C19orf38: variants seen among roughly 807,000 people sequenced by gnomAD.
C19orf38 encodes protein HIDE1.
A neutral mutation model predicts 26.6 loss-of-function variants in C19orf38; 14 were observed. The ratio of observed to expected loss-of-function variants is 0.53; its 90% CI spans 0.35 to 0.82. The LOEUF is 0.82. Ranked by LOEUF, C19orf38 falls within the 40% of genes least tolerant of loss-of-function variation. C19orf38 has a pLI of 0.01. For synonymous variants in C19orf38, 132 were observed against 128.5 expected, an observed-to-expected ratio of 1.03 and a Z score of -0.18; for missense variants, 261 against 299.5, an observed-to-expected ratio of 0.87 and a Z score of 0.95.
At chr19:10,867,085 C>T (rs190044264) in intron 6 of C19orf38, among the ~76,000 whole-genome samples, 4 of 151,856 alleles carry the variant, frequency 2.6e-5, no homozygotes, top group East Asian at 2.0e-4. Context: ...CCACCGTGCC[C>T]GGCCCAGAAA....
chr19:10,865,929 C>A (rs914894203), intron 6 of C19orf38, among the ~76,000 whole-genome samples: 1 of 152,094 alleles, frequency 6.6e-6, no homozygotes, highest in Non-Finnish European at 1.5e-5. Context: ...CCTCCAGCCT[C>A]AGCCTCCCGA....
Position 10,869,452 on chromosome 19 carries a change from C to G in C19orf38, c.*85C>G. 7.0e-7 allele frequency: 1 copy of G among 1,432,892 alleles called. No individual in the cohort carries two copies. 88.8% of individuals were successfully genotyped at this position (1,432,892 alleles called of 1,614,324 possible). On this transcript the variant is annotated 3_prime_UTR_variant, in exon 7 of 7. Coordinates refer to ENST00000397820, the MANE Select transcript of C19orf38 (RefSeq NM_001136482.3). ...CTACTTCTGGGGGGGCTCTGTCAGC[C>G]ACTTTCTCAGGGAATTGGACAGAGG...
chr19:10,851,038 C>T (rs756835890), intron 2 of C19orf38, among the ~76,000 whole-genome samples: 49 of 152,280 alleles, frequency 3.2e-4, no homozygotes, highest in Admixed American at 1.2e-3. Context: ...CATTACTTCC[C>T]CTCTTGGCCA....
intron 6 of C19orf38, among the ~76,000 whole-genome samples, chr19:10,864,153 G>A (rs1045192471): frequency 3.3e-5 from 5 of 150,464 alleles, no homozygotes; most frequent in Admixed American, 6.6e-5. Flanking sequence ...TCCGACTCCC[G>A]GGTTCAAGCA....
chr19:10,856,429 T>C (rs2073626572), intron 3 of C19orf38, 72 bp downstream of exon 3: 1 of 1,191,236 alleles, frequency 8.4e-7, no homozygotes. Context: ...GTGCTTACAC[T>C]CACAACTCAC....
intron 2 of C19orf38, among the ~76,000 whole-genome samples, chr19:10,855,984 A>G (rs1339659188): frequency 6.6e-6 from 1 of 152,148 alleles, no homozygotes; most frequent in African/African-American, 2.4e-5. Context: ...ATCCTATGCA[A>G]TGCTAGCCAG....
At chr19:10,861,221 T>G (rs1329482931) in intron 5 of C19orf38, among the ~76,000 whole-genome samples, 2 of 152,244 alleles carry the variant, frequency 1.3e-5, no homozygotes, top group Non-Finnish European at 2.9e-5. Flanking sequence ...TTTCCTCTGC[T>G]GAACGGCCAG....
In C19orf38 at chr19:10,859,898, C is replaced by T; in HGVS notation, c.462-17C>T. The T allele has an allele frequency of 6.4e-7, 1 of 1,551,394 alleles. No individual in the cohort carries two copies. Among genetic ancestry groups the T allele is most frequent in the South Asian group, 1.2e-5 (1 of 84,054 alleles). ...GCAACCCTGATCCCTGTCACTTTCT[C>T]CTGAATTCCTTTGCAGAGATCGAGA... On this transcript the variant is annotated splice_polypyrimidine_tract_variant and intron_variant, in intron 4 of 6. Transcript: ENST00000397820.
chr19:10,845,288 A>G (rs952727229), upstream of C19orf38, among the ~76,000 whole-genome samples: 14 of 152,136 alleles, frequency 9.2e-5, no homozygotes, highest in Non-Finnish European at 1.9e-4. Context: ...TTGAATTTCT[A>G]GCGTACGTAC....
chr19:10,857,366 A>ATTTTTTTTTTT (rs773726753), intron 3 of C19orf38, among the ~76,000 whole-genome samples: 1 of 56,102 alleles, frequency 1.8e-5, no homozygotes, highest in African/African-American at 1.7e-4. Flanking sequence ...ATATATATAT[A>ATTTTTTTTTTT]TTTTTTTTTT....
In C19orf38 at chr19:10,850,473, A is replaced by G. The variant is rs1353250036; in HGVS notation, c.246A>G (p.Pro82=). 1.3e-6 allele frequency: 2 copies of G among 1,551,670 alleles called. No individual in the cohort carries two copies. Among genetic ancestry groups the G allele is most frequent in the Admixed American group, 3.9e-5 (2 of 51,002 alleles). Residue 82 remains proline, a synonymous_variant, in exon 2 of 7, where the codon CCA becomes CCG. Transcript: ENST00000397820. Reference sequence around the variant, plus strand: ...TGAGCGGCGGCAGCAGCAAGGCTCCAGGGGGACCCTTCCACTGCCAGTATG... The same window carrying G: ...TGAGCGGCGGCAGCAGCAAGGCTCCGGGGGGACCCTTCCACTGCCAGTATG... ...FNLSGGSSKA[P]GGPFHCQYGV... is the part of the protein sequence containing the mutation.
At chr19:10,865,443 G>A (rs981800114) in intron 6 of C19orf38, among the ~76,000 whole-genome samples, 165 of 151,658 alleles carry the variant, frequency 1.1e-3, no homozygotes, top group Non-Finnish European at 2.0e-3. Flanking sequence ...CACCATGCCC[G>A]GCCTTTTATT....
At chr19:10,858,402 G>T (rs2073653826) in intron 4 of C19orf38, 59 bp downstream of exon 4, 2 of 1,466,430 alleles carry the variant, frequency 1.4e-6, no homozygotes, top group African/African-American at 1.4e-5. Context: ...ACACTTCCCT[G>T]GCAGGGTGGG....
At chr19:10,848,624 T>C in intron 1 of C19orf38, 85 bp downstream of exon 1, 2 of 1,269,988 alleles carry the variant, frequency 1.6e-6, no homozygotes, top group Admixed American at 4.2e-5. Flanking sequence ...CAGAAACCAG[T>C]GCAGGGGCTG....
chr19:10,858,415 C>A, intron 4 of C19orf38, 72 bp downstream of exon 4: 1 of 1,389,674 alleles, frequency 7.2e-7, no homozygotes, highest in Non-Finnish European at 9.8e-7. Context: ...AGGGTGGGCA[C>A]TCCATGCCCC....
intron 1 of C19orf38, among the ~76,000 whole-genome samples, chr19:10,849,199 T>A (rs1373561258): frequency 1.3e-5 from 2 of 152,070 alleles, no homozygotes; most frequent in Non-Finnish European, 2.9e-5. Flanking sequence ...TTTTTATTTT[T>A]AAATAGAGAC....
At chr19:10,850,682 A>C in intron 2 of C19orf38, 115 bp downstream of exon 2, 1 of 1,116,128 alleles carries the variant, frequency 9.0e-7, no homozygotes, top group South Asian at 1.5e-5. Context: ...ACACCCTGCC[A>C]GGACTTACTC....
intron 1 of C19orf38, among the ~76,000 whole-genome samples, chr19:10,841,391 G>C (rs1011267064): frequency 1.3e-5 from 2 of 152,166 alleles, no homozygotes; most frequent in Admixed American, 1.3e-4. Flanking sequence ...GCAGAGGTGG[G>C]AGGCTCGCTT....
intron 6 of C19orf38, among the ~76,000 whole-genome samples, chr19:10,867,131 C>T (rs2073759382): frequency 6.6e-6 from 1 of 151,744 alleles, no homozygotes; most frequent in Non-Finnish European, 1.5e-5. Context: ...CGTGCAACAC[C>T]CACTCCCCGT....
Sources: gnomAD v4.1 joint callset for allele counts (sites outside exome capture counted in the v4.1 genomes callset) on GRCh38, gnomAD v4.1.1 for gene constraint, MANE v1.5 for transcripts, NCBI Gene and HGNC (gene_info 2026-07-23, HGNC 2026-07-21) for gene names.